The following NETO2 variants were observed in gnomAD, a reference collection of about 807,000 sequenced individuals.
The protein encoded by NETO2 is neuropilin and tolloid-like protein 2.
A neutral mutation model predicts 62.5 loss-of-function variants in NETO2; 28 were observed. The ratio of observed to expected loss-of-function variants is 0.45; its 90% CI spans 0.33 to 0.61. NETO2 has a LOEUF of 0.61. NETO2 is among the 20% of genes least tolerant of loss of function. The probability of loss-of-function intolerance (pLI) is 0.02; values close to 1 mark genes in which losing one functional copy is unlikely to be tolerated. For missense variants in NETO2, 548 were observed against 643.2 expected (o/e 0.85, Z 1.60); for synonymous variants, 214 against 219.1 (o/e 0.98, Z 0.21).
At chr16:47,113,428 T>C (rs1000842752) in intron 6 of NETO2, among the ~76,000 whole-genome samples, 3 of 152,168 alleles carry the variant, frequency 2.0e-5, no homozygotes, top group Non-Finnish European at 4.4e-5. Context: ...AGTTCACTTT[T>C]TCCAGAATTT....
Position 47,083,070 on chromosome 16 carries a change from GAAT to G in NETO2, c.*148_*150del. ...TTTAACATATATAGACTGCCTGAGA[GAAT>G]AAAAACATCACCATACAATAGGTTA... is the stretch of plus-strand genomic sequence containing the variant. On this transcript the variant is annotated 3_prime_UTR_variant, in exon 9 of 9. Transcript: ENST00000562435. 1.5e-6 allele frequency: 1 copy of G among 662,870 alleles called. No individual in the cohort carries two copies. Among genetic ancestry groups the G allele is most frequent in the East Asian group, 2.7e-5 (1 of 36,746 alleles). The allele number at this position is 662,870 out of a possible 1,614,324, so 41.1% of individuals were successfully genotyped here.
chr16:47,120,729 T>G (rs1964020550), intron 6 of NETO2, among the ~76,000 whole-genome samples: 1 of 152,210 alleles, frequency 6.6e-6, no homozygotes, highest in South Asian at 2.1e-4. Flanking sequence ...ATTTTGCTAT[T>G]GATAATTCTG....
chr16:47,086,286 A>T lies in NETO2; in HGVS notation c.937T>A (p.Ser313Thr). 6.2e-7 allele frequency: 1 copy of T among 1,614,096 alleles called. No homozygotes were observed. Among genetic ancestry groups the T allele is most frequent in the Non-Finnish European group, 8.5e-7 (1 of 1,179,974 alleles). ...FCHSNMCINN[S>T]LVCNGVQNCA... is the part of the protein sequence containing the mutation. ...TTTTGGACACCATTACAGACTAAAG[A>T]ATTATTGATGCACATGTTGCTATGG... Residue 313 changes from serine to threonine, a missense_variant, in exon 8 of 9, where the codon TCT (serine) becomes ACT (threonine). Physicochemically the swap from Ser to Thr is moderately conservative, Grantham distance 58. Transcript: ENST00000562435.
intron 7 of NETO2, among the ~76,000 whole-genome samples, chr16:47,108,439 A>G (rs1437205129): frequency 6.6e-6 from 1 of 152,180 alleles, no homozygotes; most frequent in Non-Finnish European, 1.5e-5. Context: ...CACCAGCAAT[A>G]AGACAAAATG....
At chr16:47,098,582 G>C (rs770334469) in intron 7 of NETO2, among the ~76,000 whole-genome samples, 22 of 152,148 alleles carry the variant, frequency 1.4e-4, no homozygotes, top group Non-Finnish European at 2.4e-4. Flanking sequence ...AGGGAGAATG[G>C]AACCAAGGTG....
At chr16:47,127,593 T>C (rs994128538) in intron 4 of NETO2, among the ~76,000 whole-genome samples, 9 of 152,210 alleles carry the variant, frequency 5.9e-5, no homozygotes, top group African/African-American at 2.2e-4. Flanking sequence ...GGGCATGCAC[T>C]GGAGGCTGGA....
rs372257332 is a variant in NETO2 at position 47,129,257 on chromosome 16, G to C, written c.199C>G (p.Pro67Ala). ...ATGTAGATACACTCCTTGTTTGGTG[G>C]ATATGAGTCAGGATAATTTGGCGAA... ...FASPNYPDSY[P>A]PNKECIYILE... The change falls in exon 3 of 9, where the codon CCA (proline) becomes GCA (alanine). Residue 67 changes from proline to alanine, a missense_variant. Physicochemically the swap from Pro to Ala is conservative, Grantham distance 27. Coordinates refer to ENST00000562435, the MANE Select transcript of NETO2 (RefSeq NM_018092.5). 3 of 1,614,006 alleles carry C rather than the reference G, an allele frequency of 1.9e-6. No individual in the cohort carries two copies. The Admixed American group carries it at 5.0e-5, about 27-fold the overall frequency.
chr16:47,099,644 A>G (rs1047325478), intron 7 of NETO2, among the ~76,000 whole-genome samples: 5 of 152,212 alleles, frequency 3.3e-5, no homozygotes, highest in African/African-American at 1.2e-4. Context: ...AAGAAAAAAA[A>G]AAGCAGAGGT....
intron 6 of NETO2, among the ~76,000 whole-genome samples, chr16:47,121,437 A>C (rs1350098415): frequency 6.6e-6 from 1 of 152,174 alleles, no homozygotes; most frequent in Non-Finnish European, 1.5e-5. Flanking sequence ...TTTGGACTTC[A>C]TGACTCCTGG....
intron 6 of NETO2, among the ~76,000 whole-genome samples, chr16:47,118,075 ATAT>A (rs1312995121): frequency 6.6e-6 from 1 of 152,118 alleles, no homozygotes; most frequent in African/African-American, 2.4e-5. Context: ...GACATTTTAA[ATAT>A]TATGCTGTGT....
At chr16:47,089,914 A>G (rs879585900) in intron 7 of NETO2, among the ~76,000 whole-genome samples, 1 of 152,234 alleles carries the variant, frequency 6.6e-6, no homozygotes, top group Non-Finnish European at 1.5e-5. Flanking sequence ...ATTCTATTAC[A>G]TACAATATAA....
At chr16:47,124,494 C>T (rs771035158) in intron 4 of NETO2, among the ~76,000 whole-genome samples, 1 of 152,114 alleles carries the variant, frequency 6.6e-6, no homozygotes, top group Non-Finnish European at 1.5e-5. Flanking sequence ...TTACCACCTC[C>T]TAGACAAAAT....
At chr16:47,099,666 CT>C (rs762055415) in intron 7 of NETO2, among the ~76,000 whole-genome samples, 1 of 152,030 alleles carries the variant, frequency 6.6e-6, no homozygotes, top group Non-Finnish European at 1.5e-5. Context: ...GCACTCTAGT[CT>C]CTGATAAAAC....
chr16:47,142,585 A>C (rs1235223102), intron 1 of NETO2, among the ~76,000 whole-genome samples: 1 of 152,230 alleles, frequency 6.6e-6, no homozygotes, highest in African/African-American at 2.4e-5. Context: ...TAAAAAAAGA[A>C]CATGTTACGA....
At chr16:47,120,281 A>C (rs1211332491) in intron 6 of NETO2, among the ~76,000 whole-genome samples, 1 of 152,206 alleles carries the variant, frequency 6.6e-6, no homozygotes, top group African/African-American at 2.4e-5. Context: ...TAATTATCCC[A>C]TAAACAAGAT....
chr16:47,132,577 A>T (rs1964287579), intron 1 of NETO2, among the ~76,000 whole-genome samples: 1 of 152,208 alleles, frequency 6.6e-6, no homozygotes, highest in Non-Finnish European at 1.5e-5. Flanking sequence ...CATATTTAAC[A>T]CTGAAGCTTT....
chr16:47,127,617 G>A (rs1006975302), intron 4 of NETO2, among the ~76,000 whole-genome samples: 20 of 152,152 alleles, frequency 1.3e-4, no homozygotes, highest in Admixed American at 1.0e-3. Flanking sequence ...AGCAAAGACC[G>A]GATTCTCCCC....
chr16:47,109,605 T>C lies in NETO2; in HGVS notation c.761A>G (p.Lys254Arg). The change falls in exon 7 of 9, where the codon AAG becomes AGG. Residue 254 changes from lysine to arginine, a missense_variant. By Grantham distance (26) the Lys-to-Arg change is conservative. Coordinates refer to ENST00000562435, the MANE Select transcript of NETO2 (RefSeq NM_018092.5). ...GSSSIENLKA[K>R]FCSTVANDVM... ...ATCATTGGCCACAGTGCTGCAAAAC[T>C]TGGCCTTCAGGTTTTCAATAGAACT... The C allele has an allele frequency of 3.7e-6, 6 of 1,614,090 alleles. No individual in the cohort carries two copies. Among genetic ancestry groups the C allele is most frequent in the South Asian group, 1.1e-5 (1 of 91,080 alleles).
At chr16:47,099,863 A>G (rs930000099) in intron 7 of NETO2, among the ~76,000 whole-genome samples, 1 of 152,162 alleles carries the variant, frequency 6.6e-6, no homozygotes, top group African/African-American at 2.4e-5. Flanking sequence ...ATAATAGTGA[A>G]AGACTTTAAC....
Sources: allele counts gnomAD v4.1 joint callset (sites outside exome capture counted in the v4.1 genomes callset), GRCh38; gene constraint gnomAD v4.1.1; transcripts MANE v1.5; gene names NCBI Gene and HGNC (gene_info 2026-07-23, HGNC 2026-07-21).